NOD1: variants seen among roughly 807,000 people sequenced by gnomAD.
NOD1 encodes nucleotide binding oligomerization domain containing 1, also known as nucleotide-binding oligomerization domain-containing protein 1.
Under a neutral mutation model 81.2 loss-of-function variants are expected in NOD1, and 70 were observed. The observed-to-expected ratio is 0.86, with a 90% CI of 0.71 to 1.05. The LOEUF (loss-of-function observed/expected upper bound fraction) is 1.05, where lower values mean the gene tolerates loss of function less well. NOD1 is among the 50% of genes least tolerant of loss of function. NOD1 has a pLI of 0.00. For synonymous variants in NOD1, 508 were observed against 526.9 expected, an observed-to-expected ratio of 0.96 and a Z score of 0.49; for missense variants, 1,233 against 1,228.0, an observed-to-expected ratio of 1.00 and a Z score of -0.06.
rs1008703981 is a variant in NOD1 at position 30,478,087 on chromosome 7, G to C, written c.-352+519C>G. On this transcript the variant is annotated intron_variant, in intron 1 of 13. Coordinates refer to ENST00000222823, the MANE Select transcript of NOD1 (RefSeq NM_006092.4). The surrounding 1 kb of genome is among the most constrained non-coding windows in gnomAD (Gnocchi z 4.1). ...TTACTTTGTGGAGCATGAAACCCAA[G>C]GGAAGTTCTCACCCTCTCTCCAGGA... Among the ~76,000 whole-genome samples the C allele has an allele frequency of 3.3e-5, 5 of 152,116 alleles. No homozygotes were observed. The highest frequency in any genetic ancestry group is 6.5e-5 in the Admixed American group (1 of 15,268).
At chr7:30,461,736 G>T (rs1040450291) in intron 1 of NOD1, among the ~76,000 whole-genome samples, 8 of 151,586 alleles carry the variant, frequency 5.3e-5, no homozygotes, top group African/African-American at 1.9e-4. Flanking sequence ...AATGATCTTT[G>T]TTGTTGTTGT....
intron 8 of NOD1, chr7:30,446,567 C>A: frequency 2.5e-6 from 1 of 402,828 alleles, no homozygotes; most frequent in Non-Finnish European, 4.5e-6. Flanking sequence ...AGGTATGTGG[C>A]CACTGTCAGG....
intron 13 of NOD1, among the ~76,000 whole-genome samples, chr7:30,429,058 A>T (rs919117905): frequency 3.3e-5 from 5 of 152,210 alleles, no homozygotes; most frequent in Non-Finnish European, 5.9e-5. Flanking sequence ...TACTTCCACT[A>T]GGAAATCATT....
chr7:30,437,446 C>CA (rs1784476031), intron 10 of NOD1, 127 bp downstream of exon 10: 1 of 537,732 alleles, frequency 1.9e-6, no homozygotes, highest in Non-Finnish European at 3.1e-6. Flanking sequence ...AAAGGTTTGA[C>CA]AAGAGTAAGG....
chr7:30,455,552 TA>T (rs1197858716), intron 4 of NOD1, among the ~76,000 whole-genome samples: 3 of 148,998 alleles, frequency 2.0e-5, no homozygotes, highest in Admixed American at 6.7e-5. Flanking sequence ...AGCCTAAAAA[TA>T]AAAAGGACAG....
At chr7:30,431,467 A>G (rs886792140) in intron 12 of NOD1, among the ~76,000 whole-genome samples, 5 of 152,246 alleles carry the variant, frequency 3.3e-5, no homozygotes, top group Admixed American at 2.0e-4. Flanking sequence ...AATGGACCAG[A>G]ACAGAGAATT....
At chr7:30,468,864 C>T in intron 1 of NOD1, 1 of 985,370 alleles carries the variant, frequency 1.0e-6, no homozygotes, top group Non-Finnish European at 1.2e-6. Context: ...TAATTATACT[C>T]TAGTTGTTGA....
At chr7:30,428,589 A>T (rs1417224365) in intron 13 of NOD1, 1 of 152,174 alleles carries the variant, frequency 6.6e-6, no homozygotes, top group African/African-American at 2.4e-5. Flanking sequence ...GATCGATTTT[A>T]TGACAAGTTC....
Position 30,451,231 on chromosome 7 carries a change from C to A in NOD1, c.2186G>T (p.Arg729Leu), listed in dbSNP as rs562594841. The A allele has an allele frequency of 3.7e-6, 6 of 1,613,032 alleles. No homozygotes were observed. The highest frequency in any genetic ancestry group is 1.3e-5 in the African/African-American group (1 of 75,034). Reference protein sequence around the residue: ...GVRELQPCFSRLTVLRLSVNQ... With the variant: ...GVRELQPCFSLLTVLRLSVNQ... ...GCAGCCTCACCTGAGAACAGTGAGGCGGCTGAAGCAGGGCTGCAGCTCCCG... is the reference window on the plus strand; with the variant it reads ...GCAGCCTCACCTGAGAACAGTGAGGAGGCTGAAGCAGGGCTGCAGCTCCCG... Residue 729 changes from arginine to leucine, a missense_variant, in exon 6 of 14, where the codon CGC (arginine) becomes CTC (leucine). Physicochemically the swap from Arg to Leu is moderately radical, Grantham distance 102. Transcript: ENST00000222823. This position sits in a 1 kb window ranked among gnomAD's most constrained non-coding sequence, Gnocchi z 4.2.
rs187513532 is a variant in NOD1, at chr7:30,445,665, G to A, written c.2453+476C>T. On this transcript the variant is annotated intron_variant, in intron 9 of 13. Transcript: ENST00000222823. ...TCCCAGCTACTCGTGTGGCTGAGGCGAGAGAATCGCTTGAACCCAGAAGGC... is the reference window on the plus strand; with the variant it reads ...TCCCAGCTACTCGTGTGGCTGAGGCAAGAGAATCGCTTGAACCCAGAAGGC... Among the ~76,000 whole-genome samples the A allele has an allele frequency of 1.3e-3, 187 of 147,894 alleles. 4 individuals carry two copies. Among genetic ancestry groups the A allele is most frequent in the African/African-American group, 3.9e-3 (155 of 39,806 alleles).
rs764112209 is a variant in NOD1, at chr7:30,455,113, G to A, written c.376+24C>T. On this transcript the variant is annotated intron_variant, in intron 5 of 13. Coordinates refer to ENST00000222823, the MANE Select transcript of NOD1 (RefSeq NM_006092.4). ...GGGCCCTGCTTGCACTGGTGCCTGCGGTCTTGCTGGGGCTGACTCCTACCT... is the reference window on the plus strand; with the variant it reads ...GGGCCCTGCTTGCACTGGTGCCTGCAGTCTTGCTGGGGCTGACTCCTACCT... 1.1e-5 allele frequency: 18 copies of A among 1,608,660 alleles called. 1 individual carries two copies. The highest frequency in any genetic ancestry group is 4.4e-5 in the South Asian group (4 of 90,918).
chr7:30,451,944 T>A lies in NOD1; in HGVS notation c.1473A>T (p.Arg491Ser). 1 of 1,613,470 alleles carries A rather than the reference T, an allele frequency of 6.2e-7. No individual in the cohort carries two copies. Among genetic ancestry groups the A allele is most frequent in the Non-Finnish European group, 8.5e-7 (1 of 1,179,984 alleles). The stretch of plus-strand genomic sequence containing the variant: ...CCCGCAGGAAGCCCAGCTGCATGTC[T>A]CTCTCCTGCAGCCCGGAGGCCTGCA... ...EEVQASGLQE[R>S]DMQLGFLRAL... The change falls in exon 6 of 14, where the codon AGA becomes AGT. Residue 491 changes from arginine to serine, a missense_variant. Physicochemically the swap from Arg to Ser is moderately radical, Grantham distance 110. Transcript: ENST00000222823. This position sits in a 1 kb window ranked among gnomAD's most constrained non-coding sequence, Gnocchi z 4.2.
intron 11 of NOD1, chr7:30,433,413 C>T: frequency 1.9e-6 from 1 of 527,282 alleles, no homozygotes; most frequent in East Asian, 3.1e-5. Flanking sequence ...AGCCCAGCTA[C>T]CTGTAGAGGA....
chr7:30,425,760 C>T (rs752574172), intron 13 of NOD1, 50 bp from the exon 14 acceptor site: 22 of 1,233,170 alleles, frequency 1.8e-5, no homozygotes, highest in Admixed American at 3.4e-5. Context: ...GTTAAGGATC[C>T]TCGCACACTC....
chr7:30,445,381 A>C (rs911058783), intron 9 of NOD1, among the ~76,000 whole-genome samples: 2 of 151,970 alleles, frequency 1.3e-5, no homozygotes, highest in Admixed American at 1.3e-4. Flanking sequence ...AAAGCATAGA[A>C]GCAAGCCAGT....
chr7:30,452,715 A>T lies in NOD1; in HGVS notation c.702T>A (p.Phe234Leu). ...TGAAGCAGCTGAACATGCGGCAGCG[A>T]AAGTGGAAGAAGAATTTGACCCCTG... is the stretch of plus-strand genomic sequence containing the variant. ...LDAGVKFFFH[F>L]RCRMFSCFKE... is the part of the protein sequence containing the mutation. Residue 234 changes from phenylalanine (F) to leucine (L), a missense_variant, in exon 6 of 14, where the codon TTT becomes TTA. Phe to Leu is a conservative substitution (Grantham distance 22). Coordinates refer to ENST00000222823, the MANE Select transcript of NOD1 (RefSeq NM_006092.4). 6.2e-7 allele frequency: 1 copy of T among 1,613,942 alleles called. No individual in the cohort carries two copies.
chr7:30,433,078 T>C lies in NOD1; in HGVS notation c.2705+18A>G. ...TGAAAAGTAGCACAGTCTGAAATTG[T>C]AAGGCTCTCTGAGTTACCATAAATG... On this transcript the variant is annotated intron_variant, in intron 12 of 13. Coordinates refer to ENST00000222823, the MANE Select transcript of NOD1 (RefSeq NM_006092.4). 5.7e-6 allele frequency: 9 copies of C among 1,573,402 alleles called. No individual in the cohort carries two copies. Among genetic ancestry groups the C allele is most frequent in the Non-Finnish European group, 7.0e-6 (8 of 1,144,606 alleles).
chr7:30,452,401 G>A lies in NOD1; in HGVS notation c.1016C>T (p.Pro339Leu), dbSNP rs145823866. The change falls in exon 6 of 14, where the codon CCG becomes CTG. Residue 339 changes from proline (P) to leucine (L), a missense_variant. Pro to Leu is a moderately conservative substitution (Grantham distance 98, BLOSUM62 -3). Transcript: ENST00000222823. ...LLTARTGIEV[P>L]RQFLRKKVLL... The stretch of plus-strand genomic sequence containing the variant: ...CACCTTCTTCCGCAGGAACTGGCGC[G>A]GGACCTCGATGCCTGTGCGGGCTGT... The A allele has an allele frequency of 8.4e-5, 136 of 1,613,342 alleles. No individual in the cohort carries two copies. In the African/African-American group the frequency reaches 1.3e-3, roughly 15 times the overall value.
At chr7:30,477,639 C>T (rs996961337) in intron 1 of NOD1, among the ~76,000 whole-genome samples, 1 of 152,014 alleles carries the variant, frequency 6.6e-6, no homozygotes, top group Non-Finnish European at 1.5e-5. Flanking sequence ...TTCAGCCTCC[C>T]GAGTAGCTGG....
Sources: allele counts gnomAD v4.1 joint callset (sites outside exome capture counted in the v4.1 genomes callset), GRCh38; gene constraint gnomAD v4.1.1; non-coding constraint Gnocchi (gnomAD v3.1); transcripts MANE v1.5; gene names NCBI Gene and HGNC (gene_info 2026-07-23, HGNC 2026-07-21).